The following ASXL1 variants were observed in gnomAD, a reference collection of about 807,000 sequenced individuals.
The protein encoded by ASXL1 is polycomb group protein ASXL1.
Under a neutral mutation model 89.1 loss-of-function variants are expected in ASXL1, and 65 were observed. The observed-to-expected ratio is 0.73, with a 90% CI of 0.60 to 0.90. The LOEUF (loss-of-function observed/expected upper bound fraction) is 0.90. ASXL1 is among the 40% of genes least tolerant of loss of function. The pLI is 0.00. For missense variants in ASXL1, 1,786 were observed against 1,942.9 expected, an observed-to-expected ratio of 0.92 and a Z score of 1.52; for synonymous variants, 739 against 746.9, an observed-to-expected ratio of 0.99 and a Z score of 0.17.
chr20:32,361,957 T>G (rs947796663), intron 1 of ASXL1, among the ~76,000 whole-genome samples: 3 of 151,986 alleles, frequency 2.0e-5, no homozygotes, highest in Non-Finnish European at 4.4e-5. Flanking sequence ...TAACCTCAGC[T>G]ACTCGGGAGG....
chr20:32,398,603 G>GTTTTTTTTTTTTTTTTTTTTTTT (rs375341392), intron 4 of ASXL1, among the ~76,000 whole-genome samples: 1 of 126,450 alleles, frequency 7.9e-6, no homozygotes, highest in Non-Finnish European at 1.6e-5. Flanking sequence ...TTTTTTGTTT[G>GTTTTTTTTTTTTTTTTTTTTTTT]TTTTTTTTTT....
At chr20:32,413,938 C>T (rs759547606) in intron 4 of ASXL1, among the ~76,000 whole-genome samples, 15 of 152,146 alleles carry the variant, frequency 9.9e-5, no homozygotes, top group Non-Finnish European at 2.2e-4. Context: ...AAATTGAGGC[C>T]TTACATGTCT....
At chr20:32,377,132 TATATA>T (rs1352880729) in intron 4 of ASXL1, among the ~76,000 whole-genome samples, 1 of 138,016 alleles carries the variant, frequency 7.2e-6, no homozygotes, top group Non-Finnish European at 1.5e-5. Context: ...ATTAATATAA[TATATA>T]TTATATATTA....
At chr20:32,361,268 A>C (rs2048105742) in intron 1 of ASXL1, among the ~76,000 whole-genome samples, 1 of 152,166 alleles carries the variant, frequency 6.6e-6, no homozygotes, top group Admixed American at 6.5e-5. Flanking sequence ...TAGGCCGAGG[A>C]GTTGGAGGCT....
Position 32,429,573 on chromosome 20 carries a change from C to T in ASXL1, c.565+142C>T, listed in dbSNP as rs773590059. 1 of 904,748 alleles carries T rather than the reference C, an allele frequency of 1.1e-6. No homozygotes were observed. Among genetic ancestry groups the T allele is most frequent in the Non-Finnish European group, 1.8e-6 (1 of 561,930 alleles). 56.0% of individuals were successfully genotyped at this position (904,748 alleles called of 1,614,324 possible). Reference sequence around the variant, plus strand: ...CAAGAGCCCTGCCAATGGATGAGGCCTGCCATAGGTTCTAGTGCTGGGCTC... The same window carrying T: ...CAAGAGCCCTGCCAATGGATGAGGCTTGCCATAGGTTCTAGTGCTGGGCTC... On this transcript the variant is annotated intron_variant, in intron 7 of 12. Coordinates refer to ENST00000375687, the MANE Select transcript of ASXL1 (RefSeq NM_015338.6). This position sits in a 1 kb window ranked among gnomAD's most constrained non-coding sequence, Gnocchi z 4.9.
chr20:32,410,663 A>G (rs1336717791), intron 4 of ASXL1, among the ~76,000 whole-genome samples: 1 of 152,160 alleles, frequency 6.6e-6, no homozygotes, highest in African/African-American at 2.4e-5. Flanking sequence ...CTTTGAGACT[A>G]TATGAATAGT....
At chr20:32,434,115 G>C in intron 12 of ASXL1, 198 bp downstream of exon 12, 1 of 837,284 alleles carries the variant, frequency 1.2e-6, no homozygotes, top group Non-Finnish European at 1.8e-6. Context: ...TCACTCTGTT[G>C]AAGTTATCTT....
intron 4 of ASXL1, chr20:32,427,115 C>G (rs2123203083): frequency 6.6e-6 from 1 of 152,284 alleles, no homozygotes; most frequent in Non-Finnish European, 1.5e-5. Context: ...TGCCAGTATT[C>G]TCATCCACAC....
At position 32,428,507 on chromosome 20, in the gene ASXL1, G is replaced by GA. The variant is rs2011402384; in HGVS notation, c.471+87dup. ...CCCTCCTTCTCCTGTAGTGAGCTGT[G>GA]AACATGTTCAGAGAGTGAAGAATAG... On this transcript the variant is annotated intron_variant, in intron 6 of 12. Coordinates refer to ENST00000375687, the MANE Select transcript of ASXL1 (RefSeq NM_015338.6). The GA allele has an allele frequency of 2.3e-6, 3 of 1,307,572 alleles. No homozygotes were observed. The South Asian group carries it at 3.6e-5, about 16-fold the overall frequency. 81.0% of individuals were successfully genotyped at this position (1,307,572 alleles called of 1,614,324 possible). A position where few individuals can be genotyped will look rare whatever the true frequency, so the allele number is the denominator to read the frequency against.
chr20:32,426,896 T>TA (rs2011326629), intron 4 of ASXL1, among the ~76,000 whole-genome samples: 1 of 152,192 alleles, frequency 6.6e-6, no homozygotes, highest in Non-Finnish European at 1.5e-5. Flanking sequence ...TGATTTTGGC[T>TA]AAAACTAATG....
intron 1 of ASXL1, among the ~76,000 whole-genome samples, chr20:32,362,408 G>A (rs1035984734): frequency 2.6e-5 from 4 of 152,148 alleles, no homozygotes; most frequent in East Asian, 1.9e-4. Context: ...AGGCCGAGGC[G>A]GGCGGATCAC....
intron 4 of ASXL1, among the ~76,000 whole-genome samples, chr20:32,377,157 C>T (rs2048399304): frequency 7.2e-6 from 1 of 139,596 alleles, no homozygotes; most frequent in African/African-American, 2.6e-5. Flanking sequence ...ATACAGATAT[C>T]TATAAATATA....
rs201338763 is a variant in ASXL1, at chr20:32,436,488, C to T, written c.3776C>T (p.Pro1259Leu). ...MSQDSNSNAA[P>L]GKSPGDLTTS... ...CAGGACAGTAATTCAAATGCTGCTC[C>T]AGGAAAGAGCCCAGGAGATCTTACT... is the stretch of plus-strand genomic sequence containing the variant. The change falls in exon 13 of 13, where the codon CCA becomes CTA. Residue 1259 changes from proline to leucine, a missense_variant. Coordinates refer to ENST00000375687, the MANE Select transcript of ASXL1 (RefSeq NM_015338.6). 62 of 1,614,040 alleles carry T rather than the reference C, an allele frequency of 3.8e-5. No homozygotes were observed. Among genetic ancestry groups the T allele is most frequent in the Non-Finnish European group, 1.0e-5 (12 of 1,180,048 alleles).
chr20:32,384,107 C>G (rs944468593), intron 4 of ASXL1, among the ~76,000 whole-genome samples: 4 of 151,710 alleles, frequency 2.6e-5, no homozygotes, highest in African/African-American at 9.7e-5. Context: ...TTGTTGCAAA[C>G]CTTGTTCCAC....
In ASXL1 at chr20:32,437,520, A is replaced by G. The variant is rs2011997902; in HGVS notation, c.*182A>G. The G allele has an allele frequency of 5.3e-6, 5 of 949,858 alleles. No individual in the cohort carries two copies. Among genetic ancestry groups the G allele is most frequent in the Non-Finnish European group, 7.7e-6 (5 of 650,552 alleles). 58.8% of individuals were successfully genotyped at this position (949,858 alleles called of 1,614,324 possible). On this transcript the variant is annotated 3_prime_UTR_variant, in exon 13 of 13. Transcript: ENST00000375687. ...TTGGCGACCCTTCTGGTCTTGCTGGAGGGGTTTCCTGGGTATAACCCATTG... is the reference window on the plus strand; with the variant it reads ...TTGGCGACCCTTCTGGTCTTGCTGGGGGGGTTTCCTGGGTATAACCCATTG...
intron 4 of ASXL1, among the ~76,000 whole-genome samples, chr20:32,409,899 C>A (rs184251520): frequency 3.0e-4 from 45 of 152,286 alleles, no homozygotes; most frequent in African/African-American, 1.1e-3. Context: ...AAAAAGTTCT[C>A]ACAAACATTG....
chr20:32,432,860 A>C lies in ASXL1; in HGVS notation c.980-20A>C. 1.2e-6 allele frequency: 2 copies of C among 1,613,338 alleles called. No individual in the cohort carries two copies. The highest frequency in any genetic ancestry group is 1.7e-6 in the Non-Finnish European group (2 of 1,179,742). ...TAATATCCCGAATGCACTTACTAGA[A>C]GAGGTTTATTTCTCCCTAGGTGAAT... On this transcript the variant is annotated intron_variant, in intron 10 of 12. Coordinates refer to ENST00000375687, the MANE Select transcript of ASXL1 (RefSeq NM_015338.6).
chr20:32,432,690 T>C, intron 10 of ASXL1, 190 bp from the exon 11 acceptor site: 1 of 633,818 alleles, frequency 1.6e-6, no homozygotes, highest in Non-Finnish European at 2.7e-6. Context: ...ATCAAGGAGT[T>C]GCTTGGTCTC....
intron 4 of ASXL1, among the ~76,000 whole-genome samples, chr20:32,397,770 C>T (rs546268958): frequency 1.3e-5 from 2 of 152,326 alleles, no homozygotes; most frequent in East Asian, 1.9e-4. Flanking sequence ...TGCGTTGGGC[C>T]GCATTGAAAG....
Sources: gnomAD v4.1 joint callset for allele counts (sites outside exome capture counted in the v4.1 genomes callset) on GRCh38, gnomAD v4.1.1 for gene constraint, Gnocchi (gnomAD v3.1) non-coding constraint, MANE v1.5 for transcripts, NCBI Gene and HGNC (gene_info 2026-07-23, HGNC 2026-07-21) for gene names.